VPS50: variants seen among roughly 807,000 people sequenced by gnomAD.
VPS50 encodes syndetin.
In VPS50, 70 loss-of-function variants were observed where a neutral mutation model predicts 139.7. That is an observed-to-expected ratio of 0.50 (90% CI 0.41 to 0.61). The LOEUF (loss-of-function observed/expected upper bound fraction) is 0.61. VPS50 is among the 20% of genes least tolerant of loss of function. The pLI is 0.00. For synonymous variants in VPS50, 365 were observed against 376.7 expected (o/e 0.97, Z 0.36); for missense variants, 921 against 1,133.7 (o/e 0.81, Z 2.69).
intron 6 of VPS50, 114 bp from the exon 7 acceptor site, chr7:93,258,045 C>G (rs1243089220): frequency 8.4e-6 from 5 of 596,608 alleles, no homozygotes; most frequent in African/African-American, 1.9e-5. Context: ...AGTTTAAATC[C>G]TTGGTTTTAA....
chr7:93,302,517 T>C (rs1005434675), intron 16 of VPS50, among the ~76,000 whole-genome samples: 5 of 152,068 alleles, frequency 3.3e-5, no homozygotes, highest in African/African-American at 1.2e-4. Flanking sequence ...ATTCTTTTAT[T>C]GTTTTTCTTA....
At chr7:93,261,664 C>T (rs1206345041) in intron 9 of VPS50, among the ~76,000 whole-genome samples, 5 of 123,442 alleles carry the variant, frequency 4.1e-5, no homozygotes, top group Admixed American at 1.1e-4. Flanking sequence ...GGCCACAGAG[C>T]GAGACTCCGT....
chr7:93,324,229 G>T (rs1402305441), intron 21 of VPS50, among the ~76,000 whole-genome samples: 1 of 152,180 alleles, frequency 6.6e-6, no homozygotes, highest in Non-Finnish European at 1.5e-5. Flanking sequence ...CATGTCATCT[G>T]CAAACAGGGA....
At chr7:93,343,589 T>A (rs1394432922) in intron 23 of VPS50, among the ~76,000 whole-genome samples, 5 of 151,928 alleles carry the variant, frequency 3.3e-5, no homozygotes, top group African/African-American at 1.2e-4. Flanking sequence ...GAGAGAAAGG[T>A]CGGGTTACCC....
intron 21 of VPS50, among the ~76,000 whole-genome samples, chr7:93,330,761 CAAAA>C (rs57338525): frequency 1.2e-5 from 1 of 83,704 alleles, no homozygotes; most frequent in East Asian, 3.5e-4. Flanking sequence ...GACCCTGTCT[CAAAA>C]AAAAAAAAAA....
intron 17 of VPS50, among the ~76,000 whole-genome samples, chr7:93,304,292 A>G (rs1797058082): frequency 6.6e-6 from 1 of 151,718 alleles, no homozygotes; most frequent in African/African-American, 2.4e-5. Context: ...CTAGAAAGCA[A>G]TTTTCTTATT....
chr7:93,317,144 A>G (rs9784907), intron 20 of VPS50, among the ~76,000 whole-genome samples: 46,550 of 152,148 alleles, frequency 0.31, 12,290 homozygotes, highest in African/African-American at 0.72. Context: ...ATGAGGGCCT[A>G]TCAAGAAGAA....
chr7:93,357,888 A>ATT (rs35523741), intron 27 of VPS50, among the ~76,000 whole-genome samples: 1 of 147,220 alleles, frequency 6.8e-6, no homozygotes, highest in Non-Finnish European at 1.5e-5. Context: ...GTTGTTGGAG[A>ATT]TTTTTTTTTT....
At chr7:93,314,249 G>T (rs180856239) in intron 20 of VPS50, among the ~76,000 whole-genome samples, 79 of 152,166 alleles carry the variant, frequency 5.2e-4, no homozygotes, top group Non-Finnish European at 9.1e-4. Flanking sequence ...TTGAGTATTT[G>T]GGAAACCATA....
chr7:93,259,495 G>T (rs1795599785), intron 8 of VPS50, 55 bp from the exon 9 acceptor site: 5 of 880,490 alleles, frequency 5.7e-6, no homozygotes, highest in East Asian at 2.5e-5. Context: ...TTTTTATCAG[G>T]GGCTTTAAGA....
Position 93,234,194 on chromosome 7 carries a change from C to T in VPS50, c.33+1694C>T, listed in dbSNP as rs117573721. ...CTGCCATACAGTTCAGTGTAGTTAA[C>T]GTTGTCATAATTGTATGGTAGCTGT... On this transcript the variant is annotated intron_variant, in intron 1 of 27. Transcript: ENST00000305866. Among the ~76,000 whole-genome samples, 305 of 152,210 alleles carry T rather than the reference C, an allele frequency of 2.0e-3. 1 individual carries two copies. Among genetic ancestry groups the T allele is most frequent in the Non-Finnish European group, 2.6e-3 (177 of 67,994 alleles).
At chr7:93,301,531 G>C (rs1796975282) in intron 16 of VPS50, among the ~76,000 whole-genome samples, 1 of 151,720 alleles carries the variant, frequency 6.6e-6, no homozygotes, top group Non-Finnish European at 1.5e-5. Flanking sequence ...CTTCAATCTG[G>C]TACCTTTTAT....
chr7:93,254,645 T>C (rs1795435012), intron 4 of VPS50, among the ~76,000 whole-genome samples: 1 of 152,202 alleles, frequency 6.6e-6, no homozygotes, highest in African/African-American at 2.4e-5. Flanking sequence ...ATTATGATGT[T>C]GAGTAAATCA....
At chr7:93,323,542 T>A in intron 20 of VPS50, 69 bp from the exon 21 acceptor site, 3 of 539,598 alleles carry the variant, frequency 5.6e-6, no homozygotes, top group Non-Finnish European at 8.3e-6. Context: ...TTTTATTTTC[T>A]TTTTATAATT....
intron 12 of VPS50, among the ~76,000 whole-genome samples, chr7:93,283,107 T>G (rs542951082): frequency 6.6e-6 from 1 of 152,318 alleles, no homozygotes; most frequent in South Asian, 2.1e-4. Flanking sequence ...TGCAAATTAA[T>G]AAGCTAGCCT....
rs1397465573 is a variant in VPS50 at position 93,338,606 on chromosome 7, A to G, written c.2059-2821A>G. On this transcript the variant is annotated intron_variant, in intron 22 of 27. Coordinates refer to ENST00000305866, the MANE Select transcript of VPS50 (RefSeq NM_017667.4). ...GGAAGCCAAACAAAACTCCCTACCCATGTAGAGTTTATTTTCTAGTAGGGG... is the reference window on the plus strand; with the variant it reads ...GGAAGCCAAACAAAACTCCCTACCCGTGTAGAGTTTATTTTCTAGTAGGGG... 2.6e-5 allele frequency among the ~76,000 whole-genome samples: 4 copies of G among 152,288 alleles called. No homozygotes were observed. The South Asian group carries it at 6.2e-4, about 24-fold the overall frequency.
intron 21 of VPS50, among the ~76,000 whole-genome samples, chr7:93,325,608 AAAAC>A (rs1386550226): frequency 1.3e-5 from 2 of 151,238 alleles, no homozygotes; most frequent in African/African-American, 2.5e-5. Flanking sequence ...TTGCAAGAAA[AAAAC>A]AACCCCATCA....
chr7:93,350,124 G>C (rs1246444964), intron 25 of VPS50, 91 bp downstream of exon 25: 1 of 791,000 alleles, frequency 1.3e-6, no homozygotes, highest in Non-Finnish European at 1.9e-6. Flanking sequence ...TAAGATTATA[G>C]TTATTACCAC....
intron 21 of VPS50, among the ~76,000 whole-genome samples, chr7:93,332,486 G>C (rs1255499095): frequency 6.6e-6 from 1 of 152,084 alleles, no homozygotes; most frequent in East Asian, 1.9e-4. Context: ...CCATGACATG[G>C]AACAAATAGA....
Sources: allele counts gnomAD v4.1 joint callset (sites outside exome capture counted in the v4.1 genomes callset), GRCh38; gene constraint gnomAD v4.1.1; transcripts MANE v1.5; gene names NCBI Gene and HGNC (gene_info 2026-07-23, HGNC 2026-07-21).